Variants in OPRD1 observed in about 807,000 individuals in gnomAD.
The protein encoded by OPRD1 is opioid receptor delta 1, also known as delta-type opioid receptor.
Under a neutral mutation model 17.5 loss-of-function variants are expected in OPRD1, and 19 were observed. That is an observed-to-expected ratio of 1.09 (90% CI 0.76 to 1.60). OPRD1 has a LOEUF of 1.60. Ranked by LOEUF, OPRD1 falls within the 40% of genes most tolerant of loss-of-function variation. OPRD1 has a pLI of 0.00. For synonymous variants in OPRD1, 256 were observed against 240.9 expected (o/e 1.06, Z -0.58); for missense variants, 483 against 547.2 (o/e 0.88, Z 1.17).
chr1:28,828,815 C>T (rs2088788276), intron 1 of OPRD1, among the ~76,000 whole-genome samples: 1 of 151,080 alleles, frequency 6.6e-6, no homozygotes. Context: ...CATAGTGAAA[C>T]ACTGTCTCTA....
intron 1 of OPRD1, among the ~76,000 whole-genome samples, chr1:28,845,723 TC>T (rs1251756020): frequency 4.6e-5 from 7 of 152,182 alleles, no homozygotes; most frequent in African/African-American, 1.4e-4. Context: ...ACATCTTTGA[TC>T]CATTTTGAGT....
chr1:28,814,797 G>A (rs948913364), intron 1 of OPRD1, among the ~76,000 whole-genome samples: 1 of 152,200 alleles, frequency 6.6e-6, no homozygotes, highest in African/African-American at 2.4e-5. Flanking sequence ...GGCCCCTAGG[G>A]GTCCCCATGT....
intron 1 of OPRD1, among the ~76,000 whole-genome samples, chr1:28,851,942 C>T (rs190912436): frequency 1.3e-5 from 2 of 148,216 alleles, no homozygotes; most frequent in Admixed American, 6.7e-5. Flanking sequence ...CTGAGGTGGG[C>T]GGATCATGAG....
Position 28,831,732 on chromosome 1 carries a change from C to G in OPRD1, c.227+19122C>G, listed in dbSNP as rs1279206175. 2.0e-5 allele frequency among the ~76,000 whole-genome samples: 3 copies of G among 152,040 alleles called. No individual in the cohort carries two copies. The East Asian group carries it at 5.8e-4, about 29-fold the overall frequency. On this transcript the variant is annotated intron_variant, in intron 1 of 2. Coordinates refer to ENST00000234961, the MANE Select transcript of OPRD1 (RefSeq NM_000911.4). ...ATTTTTTTATTTGTAGAGATGAGGT[C>G]TCACTATGTTGCCCAGGCTGGTCTT...
intron 1 of OPRD1, among the ~76,000 whole-genome samples, chr1:28,846,886 C>CTTTCTTTCTTTCTT (rs1553150782): frequency 3.6e-5 from 2 of 55,498 alleles, no homozygotes; most frequent in East Asian, 7.0e-3. Flanking sequence ...TTCTTTCTTT[C>CTTTCTTTCTTTCTT]TTTCTTTTCT....
intron 1 of OPRD1, among the ~76,000 whole-genome samples, chr1:28,844,368 G>A (rs2088921959): frequency 6.6e-6 from 1 of 152,034 alleles, no homozygotes; most frequent in African/African-American, 2.4e-5. Flanking sequence ...ATGGCTCACT[G>A]CAGCCTCGAC....
intron 1 of OPRD1, among the ~76,000 whole-genome samples, chr1:28,824,795 A>C (rs557572193): frequency 6.6e-6 from 1 of 152,058 alleles, no homozygotes; most frequent in Admixed American, 6.6e-5. Context: ...TCCCAAGATA[A>C]TTTTGAAATC....
intron 1 of OPRD1, among the ~76,000 whole-genome samples, chr1:28,824,858 G>A (rs1262309963): frequency 1.3e-5 from 2 of 149,616 alleles, no homozygotes; most frequent in African/African-American, 2.5e-5. Context: ...TTGAGACGGA[G>A]TCTCGCTCTG....
At position 28,863,072 on chromosome 1, in the gene OPRD1, G is replaced by A. The variant is rs1290292773; in HGVS notation, c.908G>A (p.Cys303Tyr). Reference sequence around the variant, plus strand: ...CTGGTGGTGGCTGCGCTGCACCTGTGCATCGCGCTGGGCTACGCCAATAGC... The same window carrying A: ...CTGGTGGTGGCTGCGCTGCACCTGTACATCGCGCTGGGCTACGCCAATAGC... ...DPLVVAALHL[C>Y]IALGYANSSL... The change falls in exon 3 of 3, where the codon TGC becomes TAC. Residue 303 changes from cysteine to tyrosine, a missense_variant. Physicochemically the swap from Cys to Tyr is radical, Grantham distance 194. Transcript: ENST00000234961. The A allele has an allele frequency of 6.2e-7, 1 of 1,607,264 alleles. No homozygotes were observed.
At chr1:28,849,074 C>T (rs371040015) in intron 1 of OPRD1, among the ~76,000 whole-genome samples, 10 of 152,020 alleles carry the variant, frequency 6.6e-5, no homozygotes, top group African/African-American at 2.4e-4. Flanking sequence ...GGCCAGCAGA[C>T]ACAGAAAGGG....
At chr1:28,841,107 C>G (rs1252322567) in intron 1 of OPRD1, among the ~76,000 whole-genome samples, 1 of 152,172 alleles carries the variant, frequency 6.6e-6, no homozygotes, top group Non-Finnish European at 1.5e-5. Flanking sequence ...GGCTGCTGCC[C>G]CCTTGGGACC....
At position 28,867,506 on chromosome 1, in the gene OPRD1, A is replaced by G. The variant is rs1217530761; in HGVS notation, c.*4223A>G. The G allele has an allele frequency of 1.4e-5, 2 of 146,122 alleles. No homozygotes were observed. Among genetic ancestry groups the G allele is most frequent in the Non-Finnish European group, 3.0e-5 (2 of 65,956 alleles). 9.1% of individuals were successfully genotyped at this position (146,122 alleles called of 1,614,324 possible). ...AGGCGTGAGCCACCAAGCCCGGCCA[A>G]TTTTTTTTTTTTTCAATAGAGACCA... On this transcript the variant is annotated 3_prime_UTR_variant, in exon 3 of 3. Coordinates refer to ENST00000234961, the MANE Select transcript of OPRD1 (RefSeq NM_000911.4).
chr1:28,857,192 C>T (rs1214299585), intron 1 of OPRD1, among the ~76,000 whole-genome samples: 1 of 152,198 alleles, frequency 6.6e-6, no homozygotes, highest in Non-Finnish European at 1.5e-5. Flanking sequence ...CCAGAGTGCT[C>T]TCCATGCATC....
intron 1 of OPRD1, 42 bp downstream of exon 1, chr1:28,812,652 G>A (rs2088642324): frequency 1.4e-6 from 2 of 1,425,072 alleles, no homozygotes; most frequent in Non-Finnish European, 1.8e-6. Context: ...TGGAGCCCGG[G>A]GTGAGGGTGG....
At chr1:28,849,534 GCACACACACGTGCC>G (rs1316901917) in intron 1 of OPRD1, among the ~76,000 whole-genome samples, 2 of 152,084 alleles carry the variant, frequency 1.3e-5, no homozygotes, top group African/African-American at 4.8e-5. Context: ...ACACACAGGG[GCACACACACGTGCC>G]CACGCACACG....
At chr1:28,856,847 TG>T (rs1366648145) in intron 1 of OPRD1, among the ~76,000 whole-genome samples, 1 of 152,142 alleles carries the variant, frequency 6.6e-6, no homozygotes, top group Non-Finnish European at 1.5e-5. Flanking sequence ...TGCCTTGGGT[TG>T]GATGTGTGAC....
rs115403691 is a variant in OPRD1, at chr1:28,856,588, G to A, written c.228-2366G>A. ...GAGCAGCGTCATATAGCCCTGTCTC[G>A]GGGTGCCCGTGTGTTGCTGTGGTGG... is the stretch of plus-strand genomic sequence containing the variant. On this transcript the variant is annotated intron_variant, in intron 1 of 2. Coordinates refer to ENST00000234961, the MANE Select transcript of OPRD1 (RefSeq NM_000911.4). Among the ~76,000 whole-genome samples the A allele has an allele frequency of 3.4e-3, 522 of 152,252 alleles. 1 individual carries two copies. The highest frequency in any genetic ancestry group is 9.0e-3 in the African/African-American group (375 of 41,540).
At chr1:28,815,818 G>A (rs976366363) in intron 1 of OPRD1, among the ~76,000 whole-genome samples, 1 of 152,226 alleles carries the variant, frequency 6.6e-6, no homozygotes, top group Non-Finnish European at 1.5e-5. Flanking sequence ...CAGCATGTGG[G>A]GGGTGGGGAG....
chr1:28,824,597 C>T lies in OPRD1; in HGVS notation c.227+11987C>T, dbSNP rs193033078. 1.3e-4 allele frequency among the ~76,000 whole-genome samples: 19 copies of T among 151,668 alleles called. 1 individual carries two copies. The East Asian group carries it at 3.0e-3, about 24-fold the overall frequency. ...CCTCCCAAAGTGCTGGGATTACAGGCGTGAGCCACTGTGCCTGGCTGATGG... is the reference window on the plus strand; with the variant it reads ...CCTCCCAAAGTGCTGGGATTACAGGTGTGAGCCACTGTGCCTGGCTGATGG... On this transcript the variant is annotated intron_variant, in intron 1 of 2. Coordinates refer to ENST00000234961, the MANE Select transcript of OPRD1 (RefSeq NM_000911.4).
Sources: allele counts gnomAD v4.1 joint callset (sites outside exome capture counted in the v4.1 genomes callset), GRCh38; gene constraint gnomAD v4.1.1; transcripts MANE v1.5; gene names NCBI Gene and HGNC (gene_info 2026-07-23, HGNC 2026-07-21).